Variants in TMC5 observed in about 807,000 individuals in gnomAD.
TMC5 encodes the protein transmembrane channel-like protein 5.
A neutral mutation model predicts 110.5 loss-of-function variants in TMC5; 86 were observed. The ratio of observed to expected loss-of-function variants is 0.78; its 90% confidence interval spans 0.65 to 0.93. The LOEUF is 0.93. Ranked by LOEUF, TMC5 falls within the 40% of genes least tolerant of loss-of-function variation. The probability of loss-of-function intolerance (pLI) is 0.00; values close to 1 mark genes in which losing one functional copy is unlikely to be tolerated. For missense variants in TMC5, 1,144 were observed against 1,222.8 expected (o/e 0.94, Z 0.96); for synonymous variants, 455 against 439.5 (o/e 1.04, Z -0.44).
At chr16:19,432,378 A>G (rs1437315798) in intron 2 of TMC5, among the ~76,000 whole-genome samples, 1 of 144,968 alleles carries the variant, frequency 6.9e-6, no homozygotes, top group Non-Finnish European at 1.5e-5. Flanking sequence ...AGATGGTTCA[A>G]TAGCCCTTAT....
chr16:19,430,000 A>C (rs1967163755), intron 1 of TMC5, among the ~76,000 whole-genome samples: 4 of 152,028 alleles, frequency 2.6e-5, no homozygotes, highest in Non-Finnish European at 1.5e-5. Context: ...TGGGACTTGA[A>C]CATACCTTTT....
chr16:19,483,764 G>A (rs945793261), intron 15 of TMC5, among the ~76,000 whole-genome samples: 2 of 148,172 alleles, frequency 1.3e-5, no homozygotes, highest in Non-Finnish European at 3.0e-5. Flanking sequence ...GGCAGCGAGA[G>A]TGAAACTCTG....
chr16:19,433,067 T>C (rs1967227913), intron 2 of TMC5, among the ~76,000 whole-genome samples: 1 of 152,200 alleles, frequency 6.6e-6, no homozygotes, highest in African/African-American at 2.4e-5. Flanking sequence ...CATACATATA[T>C]ATAAATTTGT....
At chr16:19,450,322 C>T (rs1967719940) in intron 5 of TMC5, among the ~76,000 whole-genome samples, 1 of 152,158 alleles carries the variant, frequency 6.6e-6, no homozygotes, top group Admixed American at 6.6e-5. Flanking sequence ...GTATTAGTAC[C>T]TTCCAGCACC....
intron 1 of TMC5, among the ~76,000 whole-genome samples, chr16:19,418,575 C>T (rs1277314860): frequency 6.6e-6 from 1 of 151,964 alleles, no homozygotes; most frequent in Non-Finnish European, 1.5e-5. Flanking sequence ...CAGGTGGTCT[C>T]TCCCAATGGT....
At chr16:19,417,094 C>CAAAAAAAAAAAAAAA (rs60613963), upstream of TMC5, among the ~76,000 whole-genome samples, 3 of 69,190 alleles carry the variant, frequency 4.3e-5, no homozygotes, top group Non-Finnish European at 7.3e-5. Flanking sequence ...ACTCAGTCTT[C>CAAAAAAAAAAAAAAA]AAAAAAAAAA....
intron 4 of TMC5, among the ~76,000 whole-genome samples, chr16:19,448,149 CAA>C (rs36050231): frequency 2.2e-4 from 17 of 76,442 alleles, no homozygotes; most frequent in African/African-American, 4.0e-4. Context: ...GAGCAAGTCT[CAA>C]AAAAAAAAAA....
chr16:19,456,252 A>G (rs1567309903), intron 5 of TMC5, among the ~76,000 whole-genome samples: 2 of 147,124 alleles, frequency 1.4e-5, no homozygotes, highest in African/African-American at 2.6e-5. Flanking sequence ...ATATATATGT[A>G]TATTTAGAAC....
At position 19,494,990 on chromosome 16, in the gene TMC5, A is replaced by G. The variant is rs114977658; in HGVS notation, c.2931+624A>G. On this transcript the variant is annotated intron_variant, in intron 20 of 21. Transcript: ENST00000542583. ...AAGGGCCCTGAAATCTCATCTCACT[A>G]TGAATACTTCAGTGTCTATTCTTTT... 5.1e-4 allele frequency among the ~76,000 whole-genome samples: 77 copies of G among 150,080 alleles called. 1 individual carries two copies. Among genetic ancestry groups the G allele is most frequent in the African/African-American group, 1.8e-3 (71 of 40,300 alleles).
chr16:19,475,136 T>C (rs1275721601), intron 12 of TMC5, among the ~76,000 whole-genome samples: 1 of 152,188 alleles, frequency 6.6e-6, no homozygotes, highest in African/African-American at 2.4e-5. Flanking sequence ...AGTACAGGTC[T>C]GTAGGCCGGG....
intron 8 of TMC5, among the ~76,000 whole-genome samples, chr16:19,465,067 TCCTTCCTTCC>T (rs1968144860): frequency 2.0e-5 from 1 of 51,236 alleles, no homozygotes; most frequent in African/African-American, 6.8e-5. Flanking sequence ...TTTCCTTCCT[TCCTTCCTTCC>T]TTCCTTCCTT....
chr16:19,434,925 G>A (rs1967307371), intron 2 of TMC5, among the ~76,000 whole-genome samples: 1 of 152,104 alleles, frequency 6.6e-6, no homozygotes, highest in African/African-American at 2.4e-5. Flanking sequence ...AGTAAGCCCA[G>A]TTCTGACACC....
intron 5 of TMC5, among the ~76,000 whole-genome samples, chr16:19,459,817 CTGAGGTGGGAGG>C (rs1478696887): frequency 1.4e-5 from 2 of 147,520 alleles, no homozygotes; most frequent in East Asian, 4.1e-4. Flanking sequence ...CTTTGGGAGG[CTGAGGTGGGAGG>C]ATCGCTTAAG....
At chr16:19,464,619 T>G (rs1221207082) in intron 8 of TMC5, among the ~76,000 whole-genome samples, 1 of 152,222 alleles carries the variant, frequency 6.6e-6, no homozygotes, top group African/African-American at 2.4e-5. Flanking sequence ...AATTATTCAT[T>G]GTATATTATC....
intron 15 of TMC5, among the ~76,000 whole-genome samples, chr16:19,486,522 A>G: frequency 6.6e-6 from 1 of 152,164 alleles, no homozygotes; most frequent in East Asian, 1.9e-4. Context: ...GATTACAAGC[A>G]TACGCCATCA....
chr16:19,477,461 A>T lies in TMC5; in HGVS notation c.2112A>T (p.Ser704=), dbSNP rs1439112675. ...TTAGAAACATCTTTTTGAAAATATC[A>T]ATCATTGGCATTCTTTGTTACTATT... ...LLIRNIFLKI[S]IIGILCYYWL... The change falls in exon 13 of 22, where the codon TCA becomes TCT. Residue 704 remains serine, a synonymous_variant. Coordinates refer to ENST00000542583, the MANE Select transcript of TMC5 (RefSeq NM_001261841.2). The T allele has an allele frequency of 6.2e-7, 1 of 1,612,588 alleles. No homozygotes were observed. Among genetic ancestry groups the T allele is most frequent in the Non-Finnish European group, 8.5e-7 (1 of 1,179,100 alleles).
chr16:19,463,842 C>G lies in TMC5; in HGVS notation c.1303C>G (p.Leu435Val), dbSNP rs769127961. 11 of 1,614,092 alleles carry G rather than the reference C, an allele frequency of 6.8e-6. No individual in the cohort carries two copies. The highest frequency in any genetic ancestry group is 8.5e-6 in the Non-Finnish European group (10 of 1,180,034). Residue 435 changes from leucine (L) to valine (V), a missense_variant, in exon 8 of 22, where the codon CTG (leucine) becomes GTG (valine). By Grantham distance (32) the Leu-to-Val change is conservative. Coordinates refer to ENST00000542583, the MANE Select transcript of TMC5 (RefSeq NM_001261841.2). The stretch of plus-strand genomic sequence containing the variant: ...TTCCATCAGCCTGTGGCAGAAGACG[C>G]TGAAGATCATTGGAGGCAAGTTTGG... The part of the protein sequence containing the change: ...LNSISLWQKT[L>V]KIIGGKFGTS...
chr16:19,441,207 G>A (rs1429608330), intron 3 of TMC5, among the ~76,000 whole-genome samples: 1 of 151,782 alleles, frequency 6.6e-6, no homozygotes, highest in African/African-American at 2.4e-5. Flanking sequence ...CAACAGTGAT[G>A]AATTGTTATC....
At chr16:19,486,622 C>G (rs979245248) in intron 15 of TMC5, among the ~76,000 whole-genome samples, 3 of 152,046 alleles carry the variant, frequency 2.0e-5, no homozygotes, top group Non-Finnish European at 2.9e-5. Context: ...GGTGATTCAC[C>G]CCCTCTTGGC....
Sources: gnomAD v4.1 joint callset for allele counts (sites outside exome capture counted in the v4.1 genomes callset) on GRCh38, gnomAD v4.1.1 for gene constraint, MANE v1.5 for transcripts, NCBI Gene and HGNC (gene_info 2026-07-23, HGNC 2026-07-21) for gene names.